The following RNF213 variants were observed in gnomAD, a reference collection of about 807,000 sequenced individuals.
RNF213 encodes ring finger protein 213.
RNF213 carries 341 observed loss-of-function variants against 514.4 expected under a neutral mutation model. The ratio of observed to expected loss-of-function variants is 0.66; its 90% CI spans 0.61 to 0.73. The LOEUF (loss-of-function observed/expected upper bound fraction) is 0.73. Ranked by LOEUF, RNF213 falls within the 30% of genes least tolerant of loss-of-function variation. The pLI is 0.00. For missense variants in RNF213, 5,767 were observed against 6,615.6 expected, an observed-to-expected ratio of 0.87 and a Z score of 4.45; for synonymous variants, 2,655 against 2,658.2, an observed-to-expected ratio of 1.00 and a Z score of 0.04.
At position 80,346,706 on chromosome 17, in the gene RNF213, G is replaced by C. The variant is rs2078324379; in HGVS notation, c.8371G>C (p.Ala2791Pro). The C allele has an allele frequency of 6.2e-7, 1 of 1,611,304 alleles. No individual in the cohort carries two copies. The highest frequency in any genetic ancestry group is 8.5e-7 in the Non-Finnish European group (1 of 1,179,956). ...GGCAGACGCCATGCAGGGCCCGGCT[G>C]CCTACTCAGATCTCTTCCGCAGCCT... is the stretch of plus-strand genomic sequence containing the variant. ...IVADAMQGPA[A>P]YSDLFRSLKQ... The change falls in exon 29 of 68, where the codon GCC (alanine) becomes CCC (proline). Residue 2791 changes from alanine (A) to proline (P), a missense_variant. Physicochemically the swap from Ala to Pro is conservative, Grantham distance 27. Coordinates refer to ENST00000582970, the MANE Select transcript of RNF213 (RefSeq NM_001256071.3). The surrounding 1 kb of genome is among the most constrained non-coding windows in gnomAD (Gnocchi z 8.1).
In RNF213 at chr17:80,375,770, C is replaced by T. The variant is rs747816525; in HGVS notation, c.13085C>T (p.Thr4362Ile). The part of the protein sequence containing the change: ...GIKTALKACK[T>I]PQSQQSAYFL... The stretch of plus-strand genomic sequence containing the variant: ...CCCTTGATTTTGCAGGCCTGCAAGA[C>T]CCCCCAAAGCCAGCAGTCAGCCTAC... Residue 4362 changes from threonine (T) to isoleucine (I), a missense_variant, in exon 51 of 68, where the codon ACC becomes ATC. Physicochemically the swap from Thr to Ile is moderately conservative, Grantham distance 89. Coordinates refer to ENST00000582970, the MANE Select transcript of RNF213 (RefSeq NM_001256071.3). 7 of 1,612,324 alleles carry T rather than the reference C, an allele frequency of 4.3e-6. No individual in the cohort carries two copies. Among genetic ancestry groups the T allele is most frequent in the Non-Finnish European group, 5.9e-6 (7 of 1,178,548 alleles).
Position 80,376,897 on chromosome 17 carries a change from A to C in RNF213, c.13444A>C (p.Thr4482Pro). The change falls in exon 53 of 68, where the codon ACC becomes CCC. Residue 4482 changes from threonine (T) to proline (P), a missense_variant. Around this residue, in one of 13 missense-constraint regions of RNF213, gnomAD observed 1,245 missense variants for 1,339.0 expected, o/e 0.93. Coordinates refer to ENST00000582970, the MANE Select transcript of RNF213 (RefSeq NM_001256071.3). ...PATMAHAFLP[T>P]MPEDLLAQAR... ...TGTTTTTCAGCATGCTTTTCTTCCA[A>C]CCATGCCTGAAGACTTGCTGGCTCA... 1 of 1,613,952 alleles carries C rather than the reference A, an allele frequency of 6.2e-7. No individual in the cohort carries two copies. Among genetic ancestry groups the C allele is most frequent in the Non-Finnish European group, 8.5e-7 (1 of 1,179,976 alleles).
intron 15 of RNF213, among the ~76,000 whole-genome samples, chr17:80,314,256 ATGG>A (rs748945196): frequency 3.0e-5 from 2 of 65,690 alleles, no homozygotes; most frequent in Non-Finnish European, 5.6e-5. Context: ...ACTGGAGGTG[ATGG>A]TGGTAAAGGT....
chr17:80,334,126 C>T lies in RNF213; in HGVS notation c.4165C>T (p.Arg1389Cys), dbSNP rs978205922. The change falls in exon 22 of 68, where the codon CGC becomes TGC. Residue 1389 changes from arginine to cysteine, a missense_variant. Physicochemically the swap from Arg to Cys is radical, Grantham distance 180 (BLOSUM62 -3). Coordinates refer to ENST00000582970, the MANE Select transcript of RNF213 (RefSeq NM_001256071.3). ...LNFTDNFDDFRRETLDQINQE... is the reference protein window; with the variant it reads ...LNFTDNFDDFCRETLDQINQE... ...GCAGACTGATAACTTCGACGACTTT[C>T]GCCGTGAAACACTGGACCAGATCAA... 90 of 1,537,108 alleles carry T rather than the reference C, an allele frequency of 5.9e-5. 1 individual carries two copies. Among genetic ancestry groups the T allele is most frequent in the Middle Eastern group, 3.3e-4 (2 of 6,010 alleles).
chr17:80,365,335 G>C (rs983152405), intron 42 of RNF213: 4 of 152,734 alleles, frequency 2.6e-5, no homozygotes, highest in Non-Finnish European at 2.9e-5. Flanking sequence ...CAGCGGCTTA[G>C]ACACAGTATC....
At chr17:80,382,078 C>G (rs908815638) in intron 57 of RNF213, 1 of 330,774 alleles carries the variant, frequency 3.0e-6, no homozygotes, top group African/African-American at 2.1e-5. Flanking sequence ...GGTCATTCCC[C>G]TACCATGCTG....
At chr17:80,270,110 GCA>G (rs200515308) in intron 2 of RNF213, among the ~76,000 whole-genome samples, 37 of 152,000 alleles carry the variant, frequency 2.4e-4, no homozygotes, top group Non-Finnish European at 5.0e-4. Flanking sequence ...GAATGTGTGC[GCA>G]CACACACACA....
At position 80,358,458 on chromosome 17, in the gene RNF213, C is replaced by T; in HGVS notation, c.11033C>T (p.Pro3678Leu). 6.2e-7 allele frequency: 1 copy of T among 1,613,964 alleles called. No individual in the cohort carries two copies. Among genetic ancestry groups the T allele is most frequent in the Non-Finnish European group, 8.5e-7 (1 of 1,179,854 alleles). ...IFSDTMLLNI[P>L]LVMNNERHKG... The stretch of plus-strand genomic sequence containing the variant: ...AGTGACACGATGCTTCTGAACATTC[C>T]TCTTGTGATGAATAATGAAAGGTGA... Residue 3678 changes from proline to leucine, a missense_variant, in exon 37 of 68, where the codon CCT becomes CTT. Pro to Leu is a moderately conservative substitution (Grantham distance 98). This residue lies in a region of RNF213 where 919 missense variants were observed against 1,121.0 expected (regional missense o/e 0.82). Coordinates refer to ENST00000582970, the MANE Select transcript of RNF213 (RefSeq NM_001256071.3).
intron 10 of RNF213, among the ~76,000 whole-genome samples, chr17:80,296,689 AT>A: frequency 6.6e-6 from 1 of 152,034 alleles, no homozygotes; most frequent in Admixed American, 6.6e-5. Flanking sequence ...ACATTTATTT[AT>A]TTGTTGTTTT....
chr17:80,295,932 G>T, intron 10 of RNF213, 119 bp downstream of exon 10: 1 of 1,122,316 alleles, frequency 8.9e-7, no homozygotes, highest in East Asian at 2.5e-5. Context: ...AAAACCACCC[G>T]TGATTTTACC....
At chr17:80,266,694 G>A (rs1308439239) in intron 2 of RNF213, among the ~76,000 whole-genome samples, 2 of 151,756 alleles carry the variant, frequency 1.3e-5, no homozygotes, top group Non-Finnish European at 2.9e-5. Context: ...TAGAGACGGC[G>A]TTTCACCATG....
chr17:80,345,962 T>A lies in RNF213; in HGVS notation c.7627T>A (p.Leu2543Met). 1 of 1,614,190 alleles carries A rather than the reference T, an allele frequency of 6.2e-7. No individual in the cohort carries two copies. The highest frequency in any genetic ancestry group is 8.5e-7 in the Non-Finnish European group (1 of 1,180,026). ...GATCTGCCGTTTGGAGTCAGCTGGTTTGGGCTACAGGGTTAGTATGGAGGA... is the reference window on the plus strand; with the variant it reads ...GATCTGCCGTTTGGAGTCAGCTGGTATGGGCTACAGGGTTAGTATGGAGGA... ...EMICRLESAGLGYRVSMEETA... is the reference protein window; with the variant it reads ...EMICRLESAGMGYRVSMEETA... The change falls in exon 29 of 68, where the codon TTG (leucine) becomes ATG (methionine). Residue 2543 changes from leucine (L) to methionine (M), a missense_variant. This residue lies in a region of RNF213 where 1,377 missense variants were observed against 1,635.2 expected (regional missense o/e 0.84). Coordinates refer to ENST00000582970, the MANE Select transcript of RNF213 (RefSeq NM_001256071.3). This position sits in a 1 kb window ranked among gnomAD's most constrained non-coding sequence, Gnocchi z 6.0.
rs150990267 is a variant in RNF213 at position 80,364,815 on chromosome 17, G to A, written c.11871+262G>A. 6.2e-4 allele frequency: 290 copies of A among 465,460 alleles called. 1 individual carries two copies. Among genetic ancestry groups the A allele is most frequent in the African/African-American group, 4.9e-3 (247 of 50,584 alleles). The allele number at this position is 465,460 out of a possible 1,614,324, so 28.8% of individuals were successfully genotyped here. On this transcript the variant is annotated intron_variant, in intron 42 of 67. Transcript: ENST00000582970. ...GAACTGTGTGCAGAAAGGGGCTGACGCAGGGAACATGCTTGTGAAACCTTC... is the reference window on the plus strand; with the variant it reads ...GAACTGTGTGCAGAAAGGGGCTGACACAGGGAACATGCTTGTGAAACCTTC...
intron 3 of RNF213, among the ~76,000 whole-genome samples, chr17:80,282,826 T>C (rs1405665577): frequency 6.6e-6 from 1 of 151,974 alleles, no homozygotes; most frequent in Non-Finnish European, 1.5e-5. Flanking sequence ...GCCTCTAGAG[T>C]AGCTGGGATT....
Position 80,263,756 on chromosome 17 carries a change from G to T in RNF213, c.75G>T (p.Leu25=), listed in dbSNP as rs2043508217. The change falls in exon 2 of 68, where the codon CTG becomes CTT. Residue 25 remains leucine, a synonymous_variant. Coordinates refer to ENST00000582970, the MANE Select transcript of RNF213 (RefSeq NM_001256071.3). This position sits in a 1 kb window ranked among gnomAD's most constrained non-coding sequence, Gnocchi z 4.9. ...PKFCSQCGER[L]PPAAPIADSE... ...TCTGCAGCCAGTGCGGAGAGAGGCT[G>T]CCTCCTGCAGCCCCCATAGCAGGTG... The T allele has an allele frequency of 8.7e-6, 14 of 1,614,092 alleles. No individual in the cohort carries two copies. Among genetic ancestry groups the T allele is most frequent in the Non-Finnish European group, 1.2e-5 (14 of 1,180,000 alleles).
Position 80,379,522 on chromosome 17 carries a change from G to A in RNF213, c.13546-98G>A, listed in dbSNP as rs146331063. The stretch of plus-strand genomic sequence containing the variant: ...ACTGGGACAATCTGAGGGTGCTCAC[G>A]TCTGCCGGTGATAAGGAGGTGTTCA... On this transcript the variant is annotated intron_variant, in intron 54 of 67. Transcript: ENST00000582970. The A allele has an allele frequency of 4.7e-4, 538 of 1,140,678 alleles. 1 individual carries two copies. Among genetic ancestry groups the A allele is most frequent in the Non-Finnish European group, 6.3e-4 (472 of 752,698 alleles). The allele number at this position is 1,140,678 out of a possible 1,614,324, so 70.7% of individuals were successfully genotyped here.
intron 22 of RNF213, among the ~76,000 whole-genome samples, chr17:80,335,346 A>T (rs932404477): frequency 5.3e-5 from 8 of 152,066 alleles, no homozygotes; most frequent in Admixed American, 5.2e-4. Flanking sequence ...AGGAGGCAGG[A>T]GGGGCACAGG....
intron 3 of RNF213, among the ~76,000 whole-genome samples, chr17:80,280,564 G>A (rs535634373): frequency 1.4e-4 from 21 of 151,958 alleles, no homozygotes; most frequent in Admixed American, 9.8e-4. Context: ...AGCAATCCTC[G>A]TGCCTCAGCC....
chr17:80,290,486 CGTGTGT>C, intron 6 of RNF213, 78 bp from the exon 7 acceptor site: 1 of 1,535,548 alleles, frequency 6.5e-7, no homozygotes, highest in Non-Finnish European at 9.0e-7. Context: ...TGTGTGCGCA[CGTGTGT>C]GTGTGCGCGT....
Sources: gnomAD v4.1 joint callset for allele counts (sites outside exome capture counted in the v4.1 genomes callset) on GRCh38, gnomAD v4.1.1 for gene constraint, gnomAD v4.1.1 regional missense constraint, Gnocchi (gnomAD v3.1) non-coding constraint, MANE v1.5 for transcripts, NCBI Gene and HGNC (gene_info 2026-07-23, HGNC 2026-07-21) for gene names.